Variants in DCLK1 observed in about 807,000 individuals in gnomAD.
DCLK1 encodes doublecortin like kinase 1, also known as serine/threonine-protein kinase DCLK1.
A neutral mutation model predicts 86.2 loss-of-function variants in DCLK1; 16 were observed. The observed-to-expected ratio is 0.19, with a 90% confidence interval of 0.13 to 0.28. The LOEUF (loss-of-function observed/expected upper bound fraction) is 0.28, where lower values mean the gene tolerates loss of function less well. DCLK1 is among the 10% of genes least tolerant of loss of function. DCLK1 has a pLI of 1.00. For synonymous variants in DCLK1, 369 were observed against 370.5 expected, an observed-to-expected ratio of 1.00 and a Z score of 0.05; for missense variants, 590 against 940.2, an observed-to-expected ratio of 0.63 and a Z score of 4.87.
intron 3 of DCLK1, among the ~76,000 whole-genome samples, chr13:35,968,766 A>AG (rs1878908915): frequency 6.6e-6 from 1 of 152,088 alleles, no homozygotes; most frequent in Non-Finnish European, 1.5e-5. Flanking sequence ...ACTTTCTAAG[A>AG]GAAAAAAAAA....
rs552911162 is a variant in DCLK1, at chr13:36,128,309, T to A, written c.-19-2153A>T. ...AACAAGGTAGGTAATATTATTAATA[T>A]TCAGGTGAATATGGAATTTATCCAG... On this transcript the variant is annotated intron_variant, in intron 1 of 16. Transcript: ENST00000360631. 2.6e-5 allele frequency among the ~76,000 whole-genome samples: 4 copies of A among 152,314 alleles called. No individual in the cohort carries two copies. In the East Asian group the frequency reaches 7.7e-4, roughly 29 times the overall value.
At chr13:36,125,741 G>A (rs1566022630) in intron 2 of DCLK1, 21 bp downstream of exon 2, 2 of 1,601,178 alleles carry the variant, frequency 1.2e-6, no homozygotes, top group East Asian at 2.2e-5. Flanking sequence ...GGTCACGTGG[G>A]GGTTATCTCA....
rs1206842549 is a variant in DCLK1, at chr13:35,774,190, TA to T, written c.*344del. The T allele has an allele frequency of 5.4e-6, 1 of 184,296 alleles. No homozygotes were observed. The highest frequency in any genetic ancestry group is 1.1e-5 in the Non-Finnish European group (1 of 87,376). The allele number at this position is 184,296 out of a possible 1,614,324, so 11.4% of individuals were successfully genotyped here. The stretch of plus-strand genomic sequence containing the variant: ...AAAATTCCCAAACAAGAATTCTCAA[TA>T]AAATTCTATGCACTCAGAGGGTTAA... On this transcript the variant is annotated 3_prime_UTR_variant, in exon 17 of 17. Coordinates refer to ENST00000360631, the MANE Select transcript of DCLK1 (RefSeq NM_001330071.2).
chr13:36,128,926 C>T (rs538822884), intron 1 of DCLK1, among the ~76,000 whole-genome samples: 1 of 152,206 alleles, frequency 6.6e-6, no homozygotes, highest in East Asian at 1.9e-4. Context: ...AAAGTGAGCT[C>T]TCTTGTCTTC....
In DCLK1 at chr13:36,094,418, T is replaced by G. The variant is rs1884933774; in HGVS notation, c.723+17451A>C. Among the ~76,000 whole-genome samples the G allele has an allele frequency of 2.0e-5, 3 of 152,264 alleles. No individual in the cohort carries two copies. The South Asian group carries it at 6.2e-4, about 32-fold the overall frequency. ...AACAGATAGTTAGAATAAAACCAAT[T>G]TAAAGCAATTTAATGGTCAAAACCA... On this transcript the variant is annotated intron_variant, in intron 3 of 16. Coordinates refer to ENST00000360631, the MANE Select transcript of DCLK1 (RefSeq NM_001330071.2).
chr13:35,881,996 A>G (rs1435959112), intron 4 of DCLK1, among the ~76,000 whole-genome samples: 1 of 152,172 alleles, frequency 6.6e-6, no homozygotes, highest in African/African-American at 2.4e-5. Flanking sequence ...CTTTTTTCCA[A>G]AGTGTATGCT....
chr13:35,788,660 A>G (rs1279686316), intron 16 of DCLK1, among the ~76,000 whole-genome samples: 1 of 152,166 alleles, frequency 6.6e-6, no homozygotes, highest in African/African-American at 2.4e-5. Context: ...AGCAGATTGG[A>G]CCCCATAGAG....
intron 3 of DCLK1, among the ~76,000 whole-genome samples, chr13:36,025,997 C>A (rs1016971027): frequency 6.6e-6 from 1 of 151,922 alleles, no homozygotes; most frequent in Non-Finnish European, 1.5e-5. Flanking sequence ...ACTGTGTTTT[C>A]ACTAAACTTC....
chr13:35,800,260 C>T (rs1458554038), intron 15 of DCLK1, among the ~76,000 whole-genome samples: 2 of 152,252 alleles, frequency 1.3e-5, no homozygotes, highest in Admixed American at 1.3e-4. Flanking sequence ...AGATTGCCCT[C>T]TCAGACTCTT....
chr13:35,857,177 T>A (rs1293986983), intron 5 of DCLK1, among the ~76,000 whole-genome samples: 3 of 152,162 alleles, frequency 2.0e-5, no homozygotes, highest in Non-Finnish European at 2.9e-5. Context: ...ACATCATAAA[T>A]GAGCTCATTT....
intron 3 of DCLK1, among the ~76,000 whole-genome samples, chr13:36,046,530 T>A (rs1172211361): frequency 6.6e-6 from 1 of 152,212 alleles, no homozygotes; most frequent in Admixed American, 6.5e-5. Flanking sequence ...TGAAATCTGA[T>A]GGCTGTGCCA....
Position 35,809,005 on chromosome 13 carries a change from T to G in DCLK1, c.1766+13A>C. 1 of 1,609,730 alleles carries G rather than the reference T, an allele frequency of 6.2e-7. No individual in the cohort carries two copies. The highest frequency in any genetic ancestry group is 1.1e-5 in the South Asian group (1 of 90,520). On this transcript the variant is annotated intron_variant, in intron 13 of 16. Transcript: ENST00000360631. The stretch of plus-strand genomic sequence containing the variant: ...TGCTTTGTCGGCGCTGAATAAAAGA[T>G]TGTTGCCCATACCCACGGAATGGAG...
intron 3 of DCLK1, among the ~76,000 whole-genome samples, chr13:36,079,547 G>C (rs867823636): frequency 2.0e-5 from 3 of 152,060 alleles, no homozygotes; most frequent in Middle Eastern, 3.2e-3. Flanking sequence ...CAGGAGAATT[G>C]CTTAAACCCG....
At chr13:36,112,592 C>G (rs1885654247) in intron 2 of DCLK1, among the ~76,000 whole-genome samples, 1 of 152,116 alleles carries the variant, frequency 6.6e-6, no homozygotes, top group Non-Finnish European at 1.5e-5. Flanking sequence ...GGAAGTACCT[C>G]CATTTGCTAC....
chr13:36,110,272 G>A (rs1343188923), intron 3 of DCLK1, among the ~76,000 whole-genome samples: 3 of 152,068 alleles, frequency 2.0e-5, no homozygotes, highest in Admixed American at 1.3e-4. Context: ...TAATTCACAA[G>A]CCAGCATGAA....
intron 3 of DCLK1, among the ~76,000 whole-genome samples, chr13:35,991,015 T>C (rs1770381916): frequency 6.6e-6 from 1 of 152,138 alleles, no homozygotes; most frequent in Non-Finnish European, 1.5e-5. Context: ...TCCTTGGTGA[T>C]GGAGTTCAAA....
intron 6 of DCLK1, among the ~76,000 whole-genome samples, chr13:35,853,351 T>C (rs1341714242): frequency 6.6e-6 from 1 of 152,222 alleles, no homozygotes; most frequent in Admixed American, 6.5e-5. Flanking sequence ...GTGGACAAGC[T>C]GGCGTCAAAT....
chr13:35,834,004 T>C (rs572945236), intron 8 of DCLK1, among the ~76,000 whole-genome samples: 1 of 152,242 alleles, frequency 6.6e-6, no homozygotes, highest in Admixed American at 6.5e-5. Context: ...ATTTCTATTG[T>C]GAGAAGGCCA....
chr13:35,979,293 C>T (rs112531517), intron 3 of DCLK1, among the ~76,000 whole-genome samples: 3 of 152,282 alleles, frequency 2.0e-5, no homozygotes, highest in Non-Finnish European at 4.4e-5. Context: ...TCAGAAGACC[C>T]GGCCGGGGAA....
Sources: allele counts gnomAD v4.1 joint callset (sites outside exome capture counted in the v4.1 genomes callset), GRCh38; gene constraint gnomAD v4.1.1; transcripts MANE v1.5; gene names NCBI Gene and HGNC (gene_info 2026-07-23, HGNC 2026-07-21).